The following ZCCHC7 variants were observed in gnomAD, a reference collection of about 807,000 sequenced individuals.
The protein encoded by ZCCHC7 is zinc finger CCHC domain-containing protein 7.
In ZCCHC7, 35 loss-of-function variants were observed where a neutral mutation model predicts 52.0. That is an observed-to-expected ratio of 0.67 (90% CI 0.51 to 0.89). ZCCHC7 has a LOEUF of 0.89. Ranked by LOEUF, ZCCHC7 falls within the 40% of genes least tolerant of loss-of-function variation. The probability of loss-of-function intolerance (pLI) is 0.00; values close to 1 mark genes in which losing one functional copy is unlikely to be tolerated. For missense variants in ZCCHC7, 574 were observed against 649.1 expected (o/e 0.88, Z 1.26); for synonymous variants, 217 against 221.5 (o/e 0.98, Z 0.18).
At chr9:37,175,772 T>G (rs1165476481) in intron 2 of ZCCHC7, among the ~76,000 whole-genome samples, 2 of 152,148 alleles carry the variant, frequency 1.3e-5, no homozygotes, top group Non-Finnish European at 2.9e-5. Context: ...TTATAGTCCA[T>G]TGCCTCATTC....
intron 2 of ZCCHC7, among the ~76,000 whole-genome samples, chr9:37,148,764 T>C (rs951017461): frequency 5.3e-5 from 8 of 152,146 alleles, no homozygotes; most frequent in Non-Finnish European, 8.8e-5. Flanking sequence ...AACAAAGGCT[T>C]AGGCTCATTT....
intron 2 of ZCCHC7, among the ~76,000 whole-genome samples, chr9:37,232,294 G>C (rs781251709): frequency 6.6e-6 from 1 of 152,138 alleles, no homozygotes; most frequent in African/African-American, 2.4e-5. Flanking sequence ...ATGTCCATTT[G>C]ATTCTAAATT....
At chr9:37,291,899 G>C (rs1410110307) in intron 2 of ZCCHC7, among the ~76,000 whole-genome samples, 1 of 152,146 alleles carries the variant, frequency 6.6e-6, no homozygotes, top group African/African-American at 2.4e-5. Flanking sequence ...CTCCATGTTG[G>C]TCAGGCTGGT....
chr9:37,233,584 A>G (rs560511631), intron 2 of ZCCHC7, among the ~76,000 whole-genome samples: 1 of 152,230 alleles, frequency 6.6e-6, no homozygotes, highest in Non-Finnish European at 1.5e-5. Context: ...GTCTCTATCC[A>G]TAAATCTTTC....
At chr9:37,344,184 T>C (rs1404103224) in intron 6 of ZCCHC7, among the ~76,000 whole-genome samples, 1 of 152,186 alleles carries the variant, frequency 6.6e-6, no homozygotes, top group Non-Finnish European at 1.5e-5. Context: ...TTATGTCTTA[T>C]ATTTGCACAA....
intron 5 of ZCCHC7, among the ~76,000 whole-genome samples, chr9:37,321,236 C>T (rs368652232): frequency 9.2e-5 from 14 of 151,994 alleles, no homozygotes; most frequent in African/African-American, 3.1e-4. Context: ...GATCCACCCA[C>T]CTCGGCCTCC....
intron 2 of ZCCHC7, among the ~76,000 whole-genome samples, chr9:37,294,356 T>A: frequency 6.6e-6 from 1 of 152,118 alleles, no homozygotes; most frequent in East Asian, 1.9e-4. Context: ...TGTAGTGGAG[T>A]TAGGCTCAGG....
chr9:37,226,678 A>G (rs1271630782), intron 2 of ZCCHC7, among the ~76,000 whole-genome samples: 2 of 152,166 alleles, frequency 1.3e-5, no homozygotes, highest in African/African-American at 2.4e-5. Flanking sequence ...AACATACAGT[A>G]ATTAACTTGG....
chr9:37,196,526 TA>T, intron 2 of ZCCHC7, among the ~76,000 whole-genome samples: 1 of 152,220 alleles, frequency 6.6e-6, no homozygotes, highest in Non-Finnish European at 1.5e-5. Context: ...TTTTGGGACT[TA>T]TTATAGTAGA....
chr9:37,227,858 G>C (rs1209680492), intron 2 of ZCCHC7, among the ~76,000 whole-genome samples: 3 of 151,976 alleles, frequency 2.0e-5, no homozygotes, highest in African/African-American at 7.3e-5. Flanking sequence ...GCTGAGTGCA[G>C]TGGGGCACGA....
intron 2 of ZCCHC7, among the ~76,000 whole-genome samples, chr9:37,166,053 A>AT (rs1821399219): frequency 6.6e-6 from 1 of 152,204 alleles, no homozygotes; most frequent in African/African-American, 2.4e-5. Flanking sequence ...ATCTCATCTA[A>AT]GTTGCTGATT....
intron 2 of ZCCHC7, among the ~76,000 whole-genome samples, chr9:37,292,680 TA>T (rs1372212323): frequency 2.0e-5 from 3 of 152,158 alleles, no homozygotes; most frequent in African/African-American, 7.2e-5. Flanking sequence ...GCAAGAGGTG[TA>T]AGTGGTTGCC....
At chr9:37,345,317 T>C (rs1197388297) in intron 6 of ZCCHC7, among the ~76,000 whole-genome samples, 1 of 152,242 alleles carries the variant, frequency 6.6e-6, no homozygotes, top group Non-Finnish European at 1.5e-5. Flanking sequence ...AATATAGCTG[T>C]CTTTGTGGGT....
intron 1 of ZCCHC7, among the ~76,000 whole-genome samples, chr9:37,123,212 TGTGTGTGTGTG>T (rs1431580204): frequency 1.6e-5 from 2 of 127,010 alleles, no homozygotes; most frequent in African/African-American, 5.2e-5. Context: ...TGTGTGTGTG[TGTGTGTGTGTG>T]TGCGTGTGCG....
intron 3 of ZCCHC7, 119 bp from the exon 4 acceptor site, chr9:37,304,069 A>G: frequency 1.1e-6 from 1 of 942,382 alleles, no homozygotes; most frequent in Middle Eastern, 2.7e-4. Context: ...AAGGTAATGG[A>G]ACTGACTTGA....
chr9:37,194,454 G>T (rs1026336803), intron 2 of ZCCHC7, among the ~76,000 whole-genome samples: 1 of 152,136 alleles, frequency 6.6e-6, no homozygotes, highest in African/African-American at 2.4e-5. Context: ...ATAGGGAATG[G>T]AATTATTTGG....
chr9:37,211,756 C>T (rs746878764), intron 2 of ZCCHC7, among the ~76,000 whole-genome samples: 3 of 152,162 alleles, frequency 2.0e-5, no homozygotes, highest in African/African-American at 4.8e-5. Context: ...GGGCCGGGCG[C>T]GGTGGCTCAC....
intron 1 of ZCCHC7, 145 bp from the exon 2 acceptor site, chr9:37,126,167 C>A: frequency 1.2e-6 from 1 of 827,254 alleles, no homozygotes; most frequent in Non-Finnish European, 1.8e-6. Flanking sequence ...ACTTAGAAAT[C>A]CTTGGAAAAA....
intron 3 of ZCCHC7, among the ~76,000 whole-genome samples, chr9:37,303,905 C>T (rs1212365155): frequency 3.3e-5 from 5 of 151,986 alleles, no homozygotes; most frequent in African/African-American, 1.2e-4. Context: ...TCGGGTGATC[C>T]GCCCACCTCG....
Sources: gnomAD v4.1 joint callset for allele counts (sites outside exome capture counted in the v4.1 genomes callset) on GRCh38, gnomAD v4.1.1 for gene constraint, MANE v1.5 for transcripts, NCBI Gene and HGNC (gene_info 2026-07-23, HGNC 2026-07-21) for gene names.